Variants in N4BP2 observed in about 807,000 individuals in gnomAD.
N4BP2 encodes NEDD4 binding protein 2.
N4BP2 carries 91 observed loss-of-function variants against 152.8 expected under a neutral mutation model. That is an observed-to-expected ratio of 0.60 (90% CI 0.50 to 0.71). The LOEUF is 0.71. N4BP2 is among the 30% of genes least tolerant of loss of function. The pLI, the probability that N4BP2 is intolerant of heterozygous loss-of-function variation, is 0.00. For missense variants in N4BP2, 1,923 were observed against 2,059.1 expected (o/e 0.93, Z 1.28); for synonymous variants, 646 against 705.3 (o/e 0.92, Z 1.33).
intron 2 of N4BP2, among the ~76,000 whole-genome samples, chr4:40,094,469 A>G (rs564445311): frequency 1.3e-5 from 2 of 151,922 alleles, no homozygotes; most frequent in East Asian, 1.9e-4. Flanking sequence ...GAATTTGTCT[A>G]TTTCTCCTTT....
intron 16 of N4BP2, among the ~76,000 whole-genome samples, chr4:40,151,014 A>G (rs1345507338): frequency 6.6e-6 from 1 of 152,210 alleles, no homozygotes; most frequent in African/African-American, 2.4e-5. Context: ...GTGCTGAAAA[A>G]TGAGTTAAAC....
intron 12 of N4BP2, among the ~76,000 whole-genome samples, chr4:40,128,554 G>C (rs565719320): frequency 1.4e-5 from 2 of 144,312 alleles, no homozygotes; most frequent in East Asian, 4.2e-4. Context: ...TTTTTTTTGA[G>C]TCTCGTTCTG....
intron 2 of N4BP2, among the ~76,000 whole-genome samples, chr4:40,081,158 A>T (rs1457922037): frequency 6.6e-6 from 1 of 152,150 alleles, no homozygotes; most frequent in Non-Finnish European, 1.5e-5. Context: ...CTGATTATGG[A>T]AAAAATGCAT....
chr4:40,072,051 A>C lies in N4BP2; in HGVS notation c.-211-1404A>C, dbSNP rs189654057. ...GCCTCCTGAGTAAGCTGGGACTACA[A>C]GCATTTGCCACTATGCCTGGCTAAT... On this transcript the variant is annotated intron_variant, in intron 1 of 17. Coordinates refer to ENST00000261435, the MANE Select transcript of N4BP2 (RefSeq NM_018177.6). Among the ~76,000 whole-genome samples, 118 of 140,520 alleles carry C rather than the reference A, an allele frequency of 8.4e-4. 6 individuals are homozygous for C. In the East Asian group the frequency reaches 0.017, roughly 20 times the overall value. 92.2% of individuals were successfully genotyped at this position (140,520 alleles called of 152,430 possible).
At position 40,087,977 on chromosome 4, in the gene N4BP2, C is replaced by T. The variant is rs145037363; in HGVS notation, c.-114-9250C>T. On this transcript the variant is annotated intron_variant, in intron 2 of 17. Coordinates refer to ENST00000261435, the MANE Select transcript of N4BP2 (RefSeq NM_018177.6). ...CTCACTATGCTGCCCAGGATGGTCT[C>T]GAACTCCTGACCTCCGGTGATCCGC... Among the ~76,000 whole-genome samples, 1,047 of 152,238 alleles carry T rather than the reference C, an allele frequency of 6.9e-3. 5 individuals carry two copies. The highest frequency in any genetic ancestry group is 9.4e-3 in the Non-Finnish European group (640 of 68,026).
chr4:40,162,078 C>T (rs1211186249), downstream of N4BP2, among the ~76,000 whole-genome samples: 1 of 152,194 alleles, frequency 6.6e-6, no homozygotes, highest in Non-Finnish European at 1.5e-5. Flanking sequence ...CTCCACCTTA[C>T]TTATGCCTCC....
rs1721695411 is a variant in N4BP2 at position 40,157,460 on chromosome 4, C to A, written c.*3223C>A. 6.6e-6 allele frequency: 1 copy of A among 151,960 alleles called. No homozygotes were observed. Among genetic ancestry groups the A allele is most frequent in the South Asian group, 2.1e-4 (1 of 4,818 alleles). The allele number at this position is 151,960 out of a possible 1,614,324, so 9.4% of individuals were successfully genotyped here. A position where few individuals can be genotyped will look rare whatever the true frequency, so the allele number is the denominator to read the frequency against. ...TTTTTGAATTCAAGTGTTTTGTATG[C>A]TTAGAAAGTAGACATGTATAATATT... On this transcript the variant is annotated 3_prime_UTR_variant, in exon 18 of 18. Transcript: ENST00000261435.
At chr4:40,085,586 C>A (rs572714649) in intron 2 of N4BP2, among the ~76,000 whole-genome samples, 86 of 151,938 alleles carry the variant, frequency 5.7e-4, no homozygotes, top group African/African-American at 2.0e-3. Context: ...CTTCCAGAGT[C>A]GCTGGAATTA....
chr4:40,084,683 G>A (rs1713755940), intron 2 of N4BP2, among the ~76,000 whole-genome samples: 1 of 148,884 alleles, frequency 6.7e-6, no homozygotes, highest in African/African-American at 2.5e-5. Context: ...AGGCTGGAGT[G>A]CAGTGGCATG....
intron 2 of N4BP2, among the ~76,000 whole-genome samples, chr4:40,091,674 T>C (rs576398436): frequency 7.0e-6 from 1 of 142,304 alleles, no homozygotes; most frequent in African/African-American, 2.6e-5. Flanking sequence ...GGTGTGATCA[T>C]GGCTCACTGA....
chr4:40,189,875 G>A, the N4BP2 span, among the ~76,000 whole-genome samples: 1 of 151,380 alleles, frequency 6.6e-6, no homozygotes, highest in South Asian at 2.1e-4. The surrounding 1 kb of genome is among the most constrained non-coding windows in gnomAD (Gnocchi z 4.3). Context: ...GGCGACATGG[G>A]GAGAGGGGAG....
At chr4:40,060,246 C>T (rs1341265632) in intron 1 of N4BP2, among the ~76,000 whole-genome samples, 10 of 151,942 alleles carry the variant, frequency 6.6e-5, no homozygotes, top group Admixed American at 6.6e-5. Context: ...AGCTCTCATA[C>T]TTCATTTATT....
intron 1 of N4BP2, among the ~76,000 whole-genome samples, chr4:40,062,380 A>C (rs1364896690): frequency 6.7e-6 from 1 of 149,796 alleles, no homozygotes; most frequent in Non-Finnish European, 1.5e-5. Context: ...CTGCCCTCCT[A>C]CTCCATGGTT....
At chr4:40,098,054 A>T (rs1413716714) in intron 3 of N4BP2, among the ~76,000 whole-genome samples, 1 of 152,190 alleles carries the variant, frequency 6.6e-6, no homozygotes, top group African/African-American at 2.4e-5. Flanking sequence ...CTCTCCTAGA[A>T]TGTAAGCTCC....
the N4BP2 span, among the ~76,000 whole-genome samples, chr4:40,185,167 T>A: frequency 6.6e-6 from 1 of 152,192 alleles, no homozygotes; most frequent in African/African-American, 2.4e-5. Context: ...TAATTTGTCT[T>A]CTGTAAGGGG....
At chr4:40,080,310 G>A (rs1475515970) in intron 2 of N4BP2, among the ~76,000 whole-genome samples, 5 of 147,044 alleles carry the variant, frequency 3.4e-5, no homozygotes, top group African/African-American at 1.3e-4. Flanking sequence ...AGTGTGAGCT[G>A]TATATATATA....
chr4:40,101,038 C>T (rs1378726860), intron 3 of N4BP2, among the ~76,000 whole-genome samples: 4 of 152,332 alleles, frequency 2.6e-5, no homozygotes, highest in Admixed American at 2.0e-4. Context: ...TCTCTTGTGT[C>T]TGGCAAGTTA....
In N4BP2 at chr4:40,098,807, A is replaced by G. The variant is rs186997656; in HGVS notation, c.229+1238A>G. Among the ~76,000 whole-genome samples the G allele has an allele frequency of 1.8e-4, 28 of 152,348 alleles. No homozygotes were observed. The East Asian group carries it at 4.8e-3, about 26-fold the overall frequency. ...GAAATCCACATCATCCTATACCATAACAAAAAAACTTTTTTGTTTTCCAGA... is the reference window on the plus strand; with the variant it reads ...GAAATCCACATCATCCTATACCATAGCAAAAAAACTTTTTTGTTTTCCAGA... On this transcript the variant is annotated intron_variant, in intron 3 of 17. Coordinates refer to ENST00000261435, the MANE Select transcript of N4BP2 (RefSeq NM_018177.6).
At chr4:40,065,431 G>A (rs1253245103) in intron 1 of N4BP2, among the ~76,000 whole-genome samples, 1 of 152,100 alleles carries the variant, frequency 6.6e-6, no homozygotes, top group Non-Finnish European at 1.5e-5. Context: ...ACCTAGAAGA[G>A]GTAAATCGAA....
Sources: gnomAD v4.1 joint callset for allele counts (sites outside exome capture counted in the v4.1 genomes callset) on GRCh38, gnomAD v4.1.1 for gene constraint, Gnocchi (gnomAD v3.1) non-coding constraint, MANE v1.5 for transcripts, NCBI Gene and HGNC (gene_info 2026-07-23, HGNC 2026-07-21) for gene names.